Variants in CDH26 observed in about 807,000 individuals in gnomAD.
CDH26 encodes the protein cadherin-like protein 26.
CDH26 carries 83 observed loss-of-function variants against 90.3 expected under a neutral mutation model. That is an observed-to-expected ratio of 0.92 (90% CI 0.77 to 1.10). The LOEUF (loss-of-function observed/expected upper bound fraction) is 1.10, where lower values mean the gene tolerates loss of function less well. Among genes scored for constraint, CDH26 ranks in the 50% least tolerant of loss-of-function variants. CDH26 has a pLI of 0.00. For synonymous variants in CDH26, 397 were observed against 396.3 expected, an observed-to-expected ratio of 1.00 and a Z score of -0.02; for missense variants, 1,013 against 1,037.6, an observed-to-expected ratio of 0.98 and a Z score of 0.33.
chr20:59,968,259 G>A (rs539052183), intron 1 of CDH26, among the ~76,000 whole-genome samples: 9 of 151,702 alleles, frequency 5.9e-5, no homozygotes, highest in East Asian at 3.9e-4. Flanking sequence ...CACCATGGCC[G>A]GCTAATTTTT....
intron 16 of CDH26, among the ~76,000 whole-genome samples, chr20:60,006,334 A>G (rs2061749408): frequency 7.2e-6 from 1 of 138,236 alleles, no homozygotes; most frequent in South Asian, 2.1e-4. Context: ...GCAGCCCATC[A>G]TGGGAAACAA....
intron 17 of CDH26, among the ~76,000 whole-genome samples, chr20:60,010,612 C>T (rs998225068): frequency 8.5e-5 from 13 of 152,076 alleles, no homozygotes; most frequent in African/African-American, 3.1e-4. Context: ...TGGAGATTGG[C>T]AGAGGAGGGC....
chr20:60,033,069 C>T (rs529970466), intron 8 of CDH26, among the ~76,000 whole-genome samples: 13 of 152,198 alleles, frequency 8.5e-5, no homozygotes, highest in African/African-American at 1.9e-4. Flanking sequence ...GTATGAAAGA[C>T]GCATGATGTG....
chr20:60,022,700 A>C (rs919314548), intron 7 of CDH26, among the ~76,000 whole-genome samples: 4 of 152,184 alleles, frequency 2.6e-5, no homozygotes, highest in Non-Finnish European at 5.9e-5. Flanking sequence ...TGTGGCAGAG[A>C]CTGCAACCCT....
chr20:60,000,483 T>G (rs1323375437), intron 14 of CDH26, among the ~76,000 whole-genome samples: 2 of 152,192 alleles, frequency 1.3e-5, no homozygotes, highest in Non-Finnish European at 2.9e-5. Context: ...CTTTTCTAGT[T>G]CCTACAAACT....
rs1197196835 is a variant in CDH26 at position 60,006,798 on chromosome 20, C to G, written c.2295+11C>G. ...GAGACATTGAATCAGGTAGGGAGAG[C>G]TCCCCTTGTGCTGTGCACTAGCTAT... On this transcript the variant is annotated intron_variant, in intron 17 of 17. Transcript: ENST00000348616. 3 of 1,608,490 alleles carry G rather than the reference C, an allele frequency of 1.9e-6. No individual in the cohort carries two copies. The highest frequency in any genetic ancestry group is 2.6e-6 in the Non-Finnish European group (3 of 1,174,864).
rs1034535982 is a variant in CDH26, at chr20:60,021,887, C to T, written c.948-9344C>T. Among the ~76,000 whole-genome samples, 541 of 87,986 alleles carry T rather than the reference C, an allele frequency of 6.1e-3. 12 individuals are homozygous for T. Among genetic ancestry groups the T allele is most frequent in the Non-Finnish European group, 8.8e-3 (330 of 37,318 alleles). The allele number at this position is 87,986 out of a possible 152,430, so 57.7% of individuals were successfully genotyped here. A position where few individuals can be genotyped will look rare whatever the true frequency, so the allele number is the denominator to read the frequency against. On this transcript the variant is annotated intron_variant, in intron 7 of 8. Coordinates refer to the CDH26 transcript ENST00000370991. ...ACACACACACACACACACACACACA[C>T]ACACACACACATATATATATATATA...
chr20:60,031,805 T>C (rs1258969241), intron 8 of CDH26, among the ~76,000 whole-genome samples: 1 of 152,112 alleles, frequency 6.6e-6, no homozygotes, highest in African/African-American at 2.4e-5. Flanking sequence ...CAGTTTCTGG[T>C]TTTGTTTTTT....
chr20:59,998,463 T>C (rs2061629724), intron 13 of CDH26, among the ~76,000 whole-genome samples: 1 of 152,186 alleles, frequency 6.6e-6, no homozygotes, highest in South Asian at 2.1e-4. Flanking sequence ...CTTGTGATGC[T>C]AAGACCAGGA....
intron 17 of CDH26, among the ~76,000 whole-genome samples, chr20:60,011,685 G>T (rs981231535): frequency 3.3e-5 from 5 of 152,198 alleles, no homozygotes; most frequent in Non-Finnish European, 7.3e-5. Flanking sequence ...GTGGTGTGCT[G>T]GATTATCCCC....
Position 59,992,592 on chromosome 20 carries a change from G to A in CDH26, c.1426+72G>A, listed in dbSNP as rs950814897. ...TCCTGCGGGAAAATAACCCTGGTGAGCGTCTTTCAGCACAGCAGAGAAAAG... is the reference window on the plus strand; with the variant it reads ...TCCTGCGGGAAAATAACCCTGGTGAACGTCTTTCAGCACAGCAGAGAAAAG... On this transcript the variant is annotated intron_variant, in intron 10 of 17. Coordinates refer to ENST00000348616, the MANE Select transcript of CDH26 (RefSeq NM_177980.4). This position sits in a 1 kb window ranked among gnomAD's most constrained non-coding sequence, Gnocchi z 5.0. 4.1e-6 allele frequency: 6 copies of A among 1,458,498 alleles called. No individual in the cohort carries two copies. The Admixed American group carries it at 5.1e-5, about 12-fold the overall frequency. 90.3% of individuals were successfully genotyped at this position (1,458,498 alleles called of 1,614,324 possible).
intron 1 of CDH26, among the ~76,000 whole-genome samples, chr20:59,961,926 G>A (rs2061080573): frequency 6.6e-6 from 1 of 152,210 alleles, no homozygotes; most frequent in African/African-American, 2.4e-5. Flanking sequence ...AGCCACTTAT[G>A]ATTTTTTGTT....
chr20:59,999,782 G>C, intron 14 of CDH26, 119 bp downstream of exon 14: 2 of 843,362 alleles, frequency 2.4e-6, no homozygotes, highest in Non-Finnish European at 3.9e-6. Flanking sequence ...TCTTCTTCAA[G>C]TCAGCAACCC....
At chr20:60,018,042 A>C (rs1006874093), downstream of CDH26, among the ~76,000 whole-genome samples, 1 of 152,028 alleles carries the variant, frequency 6.6e-6, no homozygotes, top group Non-Finnish European at 1.5e-5. Flanking sequence ...CCTCTCCTGG[A>C]GAAAGTTACA....
At chr20:60,017,603 T>C (rs1411702127), downstream of CDH26, among the ~76,000 whole-genome samples, 3 of 152,058 alleles carry the variant, frequency 2.0e-5, no homozygotes, top group Non-Finnish European at 4.4e-5. Flanking sequence ...CTCGATTTTG[T>C]TTATTTGTGC....
intron 5 of CDH26, 34 bp from the exon 6 acceptor site, chr20:59,984,605 T>C (rs1229680670): frequency 1.9e-6 from 3 of 1,582,670 alleles, no homozygotes; most frequent in Non-Finnish European, 1.7e-6. Context: ...GCTACCTTTA[T>C]CTGATAGTAA....
At chr20:59,983,159 T>C in intron 5 of CDH26, 89 bp downstream of exon 5, 1 of 1,457,528 alleles carries the variant, frequency 6.9e-7, no homozygotes, top group Non-Finnish European at 9.3e-7. Context: ...ATCCTAGTCA[T>C]CTTCAGGGAG....
chr20:60,002,783 A>C, intron 15 of CDH26, 30 bp from the exon 16 acceptor site: 1 of 1,554,210 alleles, frequency 6.4e-7, no homozygotes, highest in East Asian at 2.3e-5. Flanking sequence ...AATTTATTTG[A>C]AATCAGTAAA....
intron 4 of CDH26, among the ~76,000 whole-genome samples, chr20:59,980,377 C>T (rs149948180): frequency 0.011 from 1,728 of 152,150 alleles, 37 homozygotes; most frequent in African/African-American, 0.04. Flanking sequence ...TCACTGCAAC[C>T]TCCACCTTCT....
Sources: gnomAD v4.1 joint callset for allele counts (sites outside exome capture counted in the v4.1 genomes callset) on GRCh38, gnomAD v4.1.1 for gene constraint, Gnocchi (gnomAD v3.1) non-coding constraint, MANE v1.5 for transcripts, NCBI Gene and HGNC (gene_info 2026-07-23, HGNC 2026-07-21) for gene names.